PTPRF: variants seen among roughly 807,000 people sequenced by gnomAD.
PTPRF encodes protein tyrosine phosphatase receptor type F.
PTPRF carries 59 observed loss-of-function variants against 201.8 expected under a neutral mutation model. The ratio of observed to expected loss-of-function variants is 0.29; its 90% CI spans 0.24 to 0.36. The LOEUF is 0.36. Ranked by LOEUF, PTPRF falls within the 10% of genes least tolerant of loss-of-function variation. The probability of loss-of-function intolerance (pLI) is 1.00; values close to 1 mark genes in which losing one functional copy is unlikely to be tolerated. For synonymous variants in PTPRF, 1,088 were observed against 1,089.7 expected, an observed-to-expected ratio of 1.00 and a Z score of 0.03; for missense variants, 2,132 against 2,690.5, an observed-to-expected ratio of 0.79 and a Z score of 4.59.
In PTPRF at chr1:43,597,730, C is replaced by A. The variant is rs777245105; in HGVS notation, c.1814-18C>A. On this transcript the variant is annotated intron_variant, in intron 11 of 33. Coordinates refer to ENST00000359947, the MANE Select transcript of PTPRF (RefSeq NM_002840.5). ...CCACCCTCCATCTGCTTGCTTCCCC[C>A]CCATTTGTCTTCCCCAGCCCCCTCC... 1.5e-5 allele frequency: 21 copies of A among 1,426,246 alleles called. No homozygotes were observed. The highest frequency in any genetic ancestry group is 3.7e-5 in the South Asian group (3 of 80,926). 88.3% of individuals were successfully genotyped at this position (1,426,246 alleles called of 1,614,324 possible).
chr1:43,585,485 G>A (rs927933034), intron 7 of PTPRF, among the ~76,000 whole-genome samples: 2 of 152,196 alleles, frequency 1.3e-5, no homozygotes, highest in Non-Finnish European at 2.9e-5. Context: ...AGGAGCCTCT[G>A]GACCTGAGGC....
At chr1:43,613,004 T>G in intron 22 of PTPRF, 6 of 380,918 alleles carry the variant, frequency 1.6e-5, no homozygotes, top group Non-Finnish European at 3.0e-5. Context: ...CAGGCCTGTT[T>G]TCTCTCCCAC....
At chr1:43,615,130 T>C (rs555733356) in intron 23 of PTPRF, among the ~76,000 whole-genome samples, 184 of 152,318 alleles carry the variant, frequency 1.2e-3, no homozygotes, top group South Asian at 0.012. Flanking sequence ...AAAGATTGCC[T>C]TTCCCAAGGG....
At chr1:43,547,516 CCCTGCACTGAGGCAGGGCTCAG>C (rs1644756961) in intron 3 of PTPRF, among the ~76,000 whole-genome samples, 2 of 152,334 alleles carry the variant, frequency 1.3e-5, no homozygotes, top group South Asian at 4.1e-4. Flanking sequence ...TTGGATCTCT[CCCTGCACTGAGGCAGGGCTCAG>C]GCTGAGCTTG....
chr1:43,619,861 C>T lies in PTPRF; in HGVS notation c.5111+3C>T, dbSNP rs200649647. 4 of 1,613,464 alleles carry T rather than the reference C, an allele frequency of 2.5e-6. No homozygotes were observed. The African/African-American group carries it at 4.0e-5, about 16-fold the overall frequency. On this transcript the variant is annotated splice_donor_region_variant and intron_variant, in intron 29 of 33. Transcript: ENST00000359947. Reference sequence around the variant, plus strand: ...GCCAGCTTCCTGGATGGTTATAGGTCAGCATGCATGTCACTGCCCCACCAT... The same window carrying T: ...GCCAGCTTCCTGGATGGTTATAGGTTAGCATGCATGTCACTGCCCCACCAT...
intron 3 of PTPRF, among the ~76,000 whole-genome samples, chr1:43,551,094 C>T (rs1354813165): frequency 1.3e-5 from 2 of 152,136 alleles, no homozygotes; most frequent in Non-Finnish European, 2.9e-5. Flanking sequence ...AGGCTGTCAG[C>T]TCACTCTGGA....
intron 22 of PTPRF, among the ~76,000 whole-genome samples, chr1:43,610,533 G>A (rs937304485): frequency 2.6e-5 from 4 of 152,270 alleles, no homozygotes; most frequent in African/African-American, 4.8e-5. Context: ...TAAAGCAGGG[G>A]TTGGCAGACT....
intron 22 of PTPRF, chr1:43,613,356 C>T (rs977290519): frequency 9.1e-6 from 4 of 437,844 alleles, no homozygotes; most frequent in Admixed American, 7.2e-5. Flanking sequence ...TCTTGAGAGA[C>T]CTGCCAGGCA....
At chr1:43,533,699 AGTG>A (rs1643836767) in intron 1 of PTPRF, among the ~76,000 whole-genome samples, 1 of 152,180 alleles carries the variant, frequency 6.6e-6, no homozygotes, top group East Asian at 1.9e-4. Context: ...CATCGTCAGC[AGTG>A]GCAGTCACTT....
Position 43,553,645 on chromosome 1 carries a change from T to G in PTPRF, c.237+8T>G. The G allele has an allele frequency of 1.2e-6, 2 of 1,614,006 alleles. No individual in the cohort carries two copies. Among genetic ancestry groups the G allele is most frequent in the Non-Finnish European group, 1.7e-6 (2 of 1,179,976 alleles). On this transcript the variant is annotated splice_region_variant and intron_variant, in intron 4 of 33. Transcript: ENST00000359947. The surrounding 1 kb of genome is among the most constrained non-coding windows in gnomAD (Gnocchi z 4.1). Reference sequence around the variant, plus strand: ...AGCTCCCAGCGCTTCGAGGTGCGTCTGTGGTGGGAAGGGGTCGGCAGGGCT... The same window carrying G: ...AGCTCCCAGCGCTTCGAGGTGCGTCGGTGGTGGGAAGGGGTCGGCAGGGCT...
intron 3 of PTPRF, among the ~76,000 whole-genome samples, chr1:43,545,413 G>A (rs1253225939): frequency 1.3e-5 from 2 of 152,144 alleles, no homozygotes; most frequent in Non-Finnish European, 2.9e-5. Flanking sequence ...ATGGGGCTGG[G>A]GTGAGACCTG....
intron 6 of PTPRF, among the ~76,000 whole-genome samples, chr1:43,570,668 C>T (rs1646505275): frequency 6.6e-6 from 1 of 152,238 alleles, no homozygotes; most frequent in African/African-American, 2.4e-5. Flanking sequence ...GATGCCAGCC[C>T]CTCCCCATCA....
rs1652997797 is a variant in PTPRF at position 43,598,710 on chromosome 1, G to A, written c.2120-10G>A. ...CCAGGCCTGACTTCCTTCTCTACCT[G>A]ACCCCCCAGTGCCCAGCGGGCCTCC... On this transcript the variant is annotated splice_polypyrimidine_tract_variant and intron_variant, in intron 12 of 33. Coordinates refer to ENST00000359947, the MANE Select transcript of PTPRF (RefSeq NM_002840.5). 1.2e-6 allele frequency: 2 copies of A among 1,609,272 alleles called. No homozygotes were observed. The highest frequency in any genetic ancestry group is 1.7e-4 in the Middle Eastern group (1 of 6,058).
intron 24 of PTPRF, 65 bp downstream of exon 24, chr1:43,617,633 A>G (rs1658191589): frequency 1.9e-6 from 3 of 1,609,092 alleles, no homozygotes; most frequent in South Asian, 1.1e-5. Flanking sequence ...GCAACATGTC[A>G]TTCTACAGAG....
At chr1:43,609,279 G>C (rs550224077) in intron 21 of PTPRF, 104 bp from the exon 22 acceptor site, 2 of 867,384 alleles carry the variant, frequency 2.3e-6, no homozygotes, top group East Asian at 2.6e-5. Flanking sequence ...GCAGTAGGAG[G>C]ACAGAGCCGT....
chr1:43,604,318 G>A, intron 16 of PTPRF, 129 bp downstream of exon 16: 1 of 945,134 alleles, frequency 1.1e-6, no homozygotes. Flanking sequence ...AATCTCTCAT[G>A]ACTGTGACCA....
chr1:43,564,279 T>C (rs1005117207), intron 5 of PTPRF, among the ~76,000 whole-genome samples: 3 of 152,116 alleles, frequency 2.0e-5, no homozygotes, highest in Non-Finnish European at 2.9e-5. Flanking sequence ...GGCGTCTGGC[T>C]CTGGCCCTGC....
At chr1:43,600,149 A>G (rs989044917) in intron 13 of PTPRF, among the ~76,000 whole-genome samples, 4 of 152,194 alleles carry the variant, frequency 2.6e-5, no homozygotes, top group Admixed American at 6.5e-5. Flanking sequence ...GGAGGCAGGC[A>G]TGTGCACCCA....
intron 13 of PTPRF, among the ~76,000 whole-genome samples, chr1:43,601,409 G>A (rs112410202): frequency 0.02 from 3,056 of 152,360 alleles, 46 homozygotes; most frequent in Non-Finnish European, 0.028. Flanking sequence ...GTGCCTGTGG[G>A]CTACAGCCCA....
Sources: allele counts gnomAD v4.1 joint callset (sites outside exome capture counted in the v4.1 genomes callset), GRCh38; gene constraint gnomAD v4.1.1; non-coding constraint Gnocchi (gnomAD v3.1); transcripts MANE v1.5; gene names NCBI Gene and HGNC (gene_info 2026-07-23, HGNC 2026-07-21).